Variants in ANKRD66 observed in about 807,000 individuals in gnomAD.
The protein encoded by ANKRD66 is ankyrin repeat domain-containing protein 66.
In ANKRD66, 10 loss-of-function variants were observed where a neutral mutation model predicts 10.9. The observed-to-expected ratio is 0.91, with a 90% CI of 0.56 to 1.55. ANKRD66 has a LOEUF of 1.55. Among genes scored for constraint, ANKRD66 ranks in the 40% most tolerant of loss-of-function variants. The pLI is 0.00. For synonymous variants in ANKRD66, 85 were observed against 88.4 expected, an observed-to-expected ratio of 0.96 and a Z score of 0.22; for missense variants, 252 against 242.9, an observed-to-expected ratio of 1.04 and a Z score of -0.25.
chr6:46,747,832 T>C (rs1582603337), intron 1 of ANKRD66, among the ~76,000 whole-genome samples: 2 of 152,218 alleles, frequency 1.3e-5, no homozygotes, highest in South Asian at 4.1e-4. Flanking sequence ...ACTCAGACTT[T>C]CCCATTTCAA....
chr6:46,750,863 C>A (rs897413138), intron 2 of ANKRD66, among the ~76,000 whole-genome samples: 2 of 151,812 alleles, frequency 1.3e-5, no homozygotes, highest in Admixed American at 1.3e-4. Context: ...GATATCAATG[C>A]ACTTTCTATA....
chr6:46,748,944 G>A (rs893688982), intron 1 of ANKRD66, among the ~76,000 whole-genome samples: 21 of 152,220 alleles, frequency 1.4e-4, no homozygotes, highest in African/African-American at 4.6e-4. Context: ...ATCAGAATCT[G>A]CATTTTAACA....
At chr6:46,756,261 G>C (rs1427650840) in intron 4 of ANKRD66, 2 of 214,510 alleles carry the variant, frequency 9.3e-6, no homozygotes, top group African/African-American at 4.7e-5. Flanking sequence ...TAATTGGAAG[G>C]GTTTGTTATT....
At position 46,758,785 on chromosome 6, in the gene ANKRD66, A is replaced by C. The variant is rs751891809; in HGVS notation, c.455A>C (p.Glu152Ala). The C allele has an allele frequency of 7.1e-6, 11 of 1,551,238 alleles. No individual in the cohort carries two copies. In the East Asian group the frequency reaches 2.7e-4, roughly 38 times the overall value. The stretch of plus-strand genomic sequence containing the variant: ...CAGCAGAAGGGGCTGCCTCTGGATG[A>C]GCGTGATGAAGACTGGGATGCCAAG... ...AAQQKGLPLD[E>A]RDEDWDAKKR... The change falls in exon 5 of 5, where the codon GAG becomes GCG. Residue 152 changes from glutamate to alanine, a missense_variant. By Grantham distance (107) the Glu-to-Ala change is moderately radical (BLOSUM62 -1). Transcript: ENST00000565422.
At position 46,753,915 on chromosome 6, in the gene ANKRD66, C is replaced by A; in HGVS notation, c.357C>A (p.Ile119=). Residue 119 remains isoleucine (I), a synonymous_variant, in exon 4 of 5, where the codon ATC becomes ATA. Transcript: ENST00000565422. ...ACACACCGAAGAGGATTGCACAGAT[C>A]TATGGACAGAAAGCCTGTGTGGCAT... ...FGDTPKRIAQ[I]YGQKACVAFL... is the part of the protein sequence containing the mutation. The A allele has an allele frequency of 6.4e-7, 1 of 1,551,558 alleles. No homozygotes were observed. Among genetic ancestry groups the A allele is most frequent in the Middle Eastern group, 1.7e-4 (1 of 5,992 alleles).
At chr6:46,751,568 G>C (rs1284328481) in intron 2 of ANKRD66, among the ~76,000 whole-genome samples, 4 of 152,022 alleles carry the variant, frequency 2.6e-5, no homozygotes, top group Non-Finnish European at 5.9e-5. Context: ...AGAAAGATAA[G>C]GCACAGAATT....
Position 46,753,775 on chromosome 6 carries a change from G to C in ANKRD66, c.217G>C (p.Val73Leu). The C allele has an allele frequency of 6.4e-7, 1 of 1,551,650 alleles. No homozygotes were observed. Among genetic ancestry groups the C allele is most frequent in the Non-Finnish European group, 8.7e-7 (1 of 1,146,986 alleles). The stretch of plus-strand genomic sequence containing the variant: ...AGAATATGGAGCCAGGCCCTGCCTG[G>C]TTACTAGTGTGGGCTGGACCCCAGC... Reference protein sequence around the residue: ...LIEYGARPCLVTSVGWTPAHF... With the variant: ...LIEYGARPCLLTSVGWTPAHF... Residue 73 changes from valine (V) to leucine (L), a missense_variant, in exon 4 of 5, where the codon GTT becomes CTT. By Grantham distance (32) the Val-to-Leu change is conservative. Transcript: ENST00000565422.
Position 46,755,509 on chromosome 6 carries a change from G to A in ANKRD66, c.392+1559G>A, listed in dbSNP as rs914899812. ...GCAGATTTTATGTACATTTATATCA[G>A]CTCCTTCTTGCCGTCCTGTCCCTCC... is the stretch of plus-strand genomic sequence containing the variant. On this transcript the variant is annotated intron_variant, in intron 4 of 4. Transcript: ENST00000565422. Among the ~76,000 whole-genome samples, 6 of 152,156 alleles carry A rather than the reference G, an allele frequency of 3.9e-5. 1 individual carries two copies. Among genetic ancestry groups the A allele is most frequent in the African/African-American group, 1.2e-4 (5 of 41,442 alleles).
Position 46,749,584 on chromosome 6 carries a change from C to T in ANKRD66, c.-96-312C>T, listed in dbSNP as rs184091146. The stretch of plus-strand genomic sequence containing the variant: ...CCCCCCCCCGCTTTTTTCTTTTCCT[C>T]TTGGCATAAAAATATTTACTATCTG... On this transcript the variant is annotated intron_variant, in intron 1 of 4. Coordinates refer to ENST00000565422, the MANE Select transcript of ANKRD66 (RefSeq NM_001162435.3). Among the ~76,000 whole-genome samples the T allele has an allele frequency of 8.1e-3, 874 of 108,008 alleles. 15 individuals are homozygous for T. Among genetic ancestry groups the T allele is most frequent in the African/African-American group, 0.029 (822 of 28,164 alleles). The allele number at this position is 108,008 out of a possible 152,430, so 70.9% of individuals were successfully genotyped here. A position where few individuals can be genotyped will look rare whatever the true frequency, so the allele number is the denominator to read the frequency against.
chr6:46,758,391 T>C (rs1296296727), intron 4 of ANKRD66: 1 of 200,094 alleles, frequency 5.0e-6, no homozygotes, highest in East Asian at 1.2e-4. Context: ...TTATGAAAAA[T>C]AAAACTAAAA....
intron 2 of ANKRD66, among the ~76,000 whole-genome samples, chr6:46,751,102 A>T (rs555811903): frequency 2.0e-5 from 3 of 152,346 alleles, no homozygotes; most frequent in Admixed American, 2.0e-4. Context: ...GGATGTTCCT[A>T]TGTAACTGGC....
chr6:46,753,856 C>T lies in ANKRD66; in HGVS notation c.298C>T (p.His100Tyr). 6.4e-7 allele frequency: 1 copy of T among 1,551,722 alleles called. No individual in the cohort carries two copies. Among genetic ancestry groups the T allele is most frequent in the Middle Eastern group, 1.7e-4 (1 of 5,992 alleles). Residue 100 changes from histidine (H) to tyrosine (Y), a missense_variant, in exon 4 of 5, where the codon CAC (histidine) becomes TAC (tyrosine). Coordinates refer to ENST00000565422, the MANE Select transcript of ANKRD66 (RefSeq NM_001162435.3). ...LNILKTLHALHAAIDAPDFFG... is the reference protein window; with the variant it reads ...LNILKTLHALYAAIDAPDFFG... ...TATACTCAAAACTCTCCATGCATTG[C>T]ACGCTGCCATCGACGCCCCTGACTT...
chr6:46,747,643 T>C (rs1766177180), intron 1 of ANKRD66, among the ~76,000 whole-genome samples: 1 of 152,252 alleles, frequency 6.6e-6, no homozygotes, highest in African/African-American at 2.4e-5. Context: ...TCCTTTTTAT[T>C]GCCAAATAAG....
intron 3 of ANKRD66, among the ~76,000 whole-genome samples, chr6:46,752,996 A>C (rs924597487): frequency 6.6e-6 from 1 of 152,244 alleles, no homozygotes; most frequent in African/African-American, 2.4e-5. Context: ...GTTGACAAGA[A>C]GCAAGACTGG....
intron 1 of ANKRD66, 82 bp downstream of exon 1, chr6:46,747,072 C>A: frequency 7.3e-7 from 1 of 1,363,578 alleles, no homozygotes; most frequent in Non-Finnish European, 1.0e-6. Context: ...TATTTATTGA[C>A]TACTTTGCAC....
intron 4 of ANKRD66, 65 bp downstream of exon 4, chr6:46,754,015 G>A (rs1582606906): frequency 7.3e-7 from 1 of 1,378,442 alleles, no homozygotes; most frequent in East Asian, 2.5e-5. Context: ...TCAAGATCTT[G>A]GGTGATTCTG....
At chr6:46,758,465 C>A in intron 4 of ANKRD66, 1 of 361,652 alleles carries the variant, frequency 2.8e-6, no homozygotes, top group Non-Finnish European at 4.9e-6. Flanking sequence ...CTTCAAGAAT[C>A]AGGAGCATTT....
At chr6:46,747,663 T>C (rs1766179344) in intron 1 of ANKRD66, among the ~76,000 whole-genome samples, 2 of 152,272 alleles carry the variant, frequency 1.3e-5, no homozygotes, top group Admixed American at 6.5e-5. Flanking sequence ...GAATGCTTTA[T>C]ATGGATATTC....
At chr6:46,750,874 T>A (rs900382014) in intron 2 of ANKRD66, among the ~76,000 whole-genome samples, 4 of 152,036 alleles carry the variant, frequency 2.6e-5, no homozygotes, top group Non-Finnish European at 5.9e-5. Flanking sequence ...ACTTTCTATA[T>A]GGTTTTATTA....
Sources: gnomAD v4.1 joint callset for allele counts (sites outside exome capture counted in the v4.1 genomes callset) on GRCh38, gnomAD v4.1.1 for gene constraint, MANE v1.5 for transcripts, NCBI Gene and HGNC (gene_info 2026-07-23, HGNC 2026-07-21) for gene names.